Variants in RAB40B observed in about 807,000 individuals in gnomAD.
RAB40B encodes RAB40B, member RAS oncogene family, also known as ras-related protein Rab-40B.
Under a neutral mutation model 24.0 loss-of-function variants are expected in RAB40B, and 21 were observed. The ratio of observed to expected loss-of-function variants is 0.88; its 90% CI spans 0.62 to 1.26. The LOEUF is 1.26. Ranked by LOEUF, RAB40B falls within the 50% of genes most tolerant of loss-of-function variation. The pLI, the probability that RAB40B is intolerant of heterozygous loss-of-function variation, is 0.00. For synonymous variants in RAB40B, 167 were observed against 169.8 expected, an observed-to-expected ratio of 0.98 and a Z score of 0.13; for missense variants, 348 against 390.5, an observed-to-expected ratio of 0.89 and a Z score of 0.92.
chr17:82,664,791 C>T (rs1363429134), intron 1 of RAB40B: 2 of 495,786 alleles, frequency 4.0e-6, no homozygotes, highest in Non-Finnish European at 7.3e-6. Context: ...GTCAGGCTCG[C>T]ATCACCCTGG....
intron 1 of RAB40B, among the ~76,000 whole-genome samples, chr17:82,686,524 C>A (rs1350613283): frequency 6.6e-6 from 1 of 152,166 alleles, no homozygotes; most frequent in African/African-American, 2.4e-5. Context: ...GACACAGACA[C>A]CCAGGAGAGA....
At chr17:82,694,618 A>G (rs1598321209) in intron 1 of RAB40B, among the ~76,000 whole-genome samples, 1 of 151,886 alleles carries the variant, frequency 6.6e-6, no homozygotes, top group African/African-American at 2.4e-5. Flanking sequence ...TAACACAAAC[A>G]TTCAACTCTG....
At chr17:82,661,116 C>G in intron 2 of RAB40B, 69 bp from the exon 3 acceptor site, 1 of 1,555,436 alleles carries the variant, frequency 6.4e-7, no homozygotes, top group Non-Finnish European at 8.7e-7. Context: ...TCTGGAACTT[C>G]AGAGCCACAG....
chr17:82,664,817 G>A (rs1206247752), intron 1 of RAB40B: 10 of 432,956 alleles, frequency 2.3e-5, no homozygotes, highest in East Asian at 4.4e-5. Flanking sequence ...GGGGCTCCCC[G>A]ACAGGCACTG....
At chr17:82,684,908 G>A (rs1388732257) in intron 1 of RAB40B, among the ~76,000 whole-genome samples, 1 of 152,034 alleles carries the variant, frequency 6.6e-6, no homozygotes, top group Non-Finnish European at 1.5e-5. Context: ...GAGGTCAGGA[G>A]TTCGAGACCA....
In RAB40B at chr17:82,667,615, CCT is replaced by C. The variant is rs1568034272; in HGVS notation, c.143-3061_143-3060del. ...ATGGAGTCCAGGCTTCCCGCATCCTCCTCTGTCTCCTGCTAAACTCCACACTC... is the reference window on the plus strand; with the variant it reads ...ATGGAGTCCAGGCTTCCCGCATCCTCCTGTCTCCTGCTAAACTCCACACTC... On this transcript the variant is annotated intron_variant, in intron 1 of 5. Coordinates refer to ENST00000571995, the MANE Select transcript of RAB40B (RefSeq NM_006822.3). This position sits in a 1 kb window ranked among gnomAD's most constrained non-coding sequence, Gnocchi z 4.3. 6.6e-6 allele frequency among the ~76,000 whole-genome samples: 1 copy of C among 152,182 alleles called. No homozygotes were observed. Among genetic ancestry groups the C allele is most frequent in the African/African-American group, 2.4e-5 (1 of 41,438 alleles).
chr17:82,695,793 T>A (rs901630196), intron 1 of RAB40B, among the ~76,000 whole-genome samples: 1 of 152,148 alleles, frequency 6.6e-6, no homozygotes, highest in African/African-American at 2.4e-5. Flanking sequence ...AACAAATATT[T>A]GGTAAATCAA....
chr17:82,687,009 C>T (rs1000079105), intron 1 of RAB40B, among the ~76,000 whole-genome samples: 50 of 152,246 alleles, frequency 3.3e-4, no homozygotes, highest in African/African-American at 1.0e-3. Flanking sequence ...ATCAAAGACC[C>T]TCCTGTCCAG....
intron 1 of RAB40B, among the ~76,000 whole-genome samples, chr17:82,680,428 T>C (rs1442527626): frequency 2.0e-5 from 3 of 152,176 alleles, no homozygotes; most frequent in Non-Finnish European, 4.4e-5. Flanking sequence ...CTCAAAGTCC[T>C]GGCTGGAGGC....
chr17:82,665,649 T>C (rs1409466854), intron 1 of RAB40B, among the ~76,000 whole-genome samples: 3 of 152,080 alleles, frequency 2.0e-5, no homozygotes, highest in Non-Finnish European at 4.4e-5. Flanking sequence ...GGTGGATCAC[T>C]TGAGGTCAGG....
At position 82,664,464 on chromosome 17, in the gene RAB40B, G is replaced by T. The variant is rs772542817; in HGVS notation, c.203+32C>A. 3.7e-6 allele frequency: 6 copies of T among 1,607,996 alleles called. No homozygotes were observed. In the Admixed American group the frequency reaches 8.4e-5, roughly 22 times the overall value. ...CAGCCAGGGGGGTTACTCCCTGGGG[G>T]TGCGGGACGCTCGCACCTCCTCCAG... On this transcript the variant is annotated intron_variant, in intron 2 of 5. Transcript: ENST00000571995.
At chr17:82,680,681 A>C (rs2046440307) in intron 1 of RAB40B, among the ~76,000 whole-genome samples, 2 of 152,308 alleles carry the variant, frequency 1.3e-5, no homozygotes, top group South Asian at 4.1e-4. Flanking sequence ...CTATAATGAT[A>C]TATGTAATTT....
In RAB40B at chr17:82,662,093, C is replaced by T. The variant is rs558261462; in HGVS notation, c.204-1046G>A. 241 of 985,358 alleles carry T rather than the reference C, an allele frequency of 2.4e-4. 4 individuals are homozygous for T. In the South Asian group the frequency reaches 9.4e-3, roughly 39 times the overall value. The allele number at this position is 985,358 out of a possible 1,614,324, so 61.0% of individuals were successfully genotyped here. On this transcript the variant is annotated intron_variant, in intron 2 of 5. Coordinates refer to ENST00000571995, the MANE Select transcript of RAB40B (RefSeq NM_006822.3). ...CACGAGACACAACCTCACGGATGAG[C>T]GGTGGGACGCGGCATGGTTTTGCTG...
chr17:82,686,851 C>T (rs1466809207), intron 1 of RAB40B, among the ~76,000 whole-genome samples: 3 of 152,170 alleles, frequency 2.0e-5, no homozygotes, highest in Non-Finnish European at 2.9e-5. Flanking sequence ...ACGTTCCTCC[C>T]GTCCAGTGCT....
chr17:82,658,608 C>T lies in RAB40B; in HGVS notation c.448G>A (p.Val150Met), dbSNP rs775428303. 35 of 1,613,360 alleles carry T rather than the reference C, an allele frequency of 2.2e-5. No homozygotes were observed. The African/African-American group carries it at 2.8e-4, about 13-fold the overall frequency. Residue 150 changes from valine (V) to methionine (M), a missense_variant, in exon 5 of 6, where the codon GTG becomes ATG. By Grantham distance (21) the Val-to-Met change is conservative. Transcript: ENST00000571995. ...AGAGGGCTGACCTCAAAGAAGGTCA[C>T]GCCCAGGCGCTCGGCGTAGGCCTGG... ...QAQAYAERLG[V>M]TFFEVSPLCN... is the part of the protein sequence containing the mutation.
At chr17:82,691,316 G>A (rs2046555180) in intron 1 of RAB40B, among the ~76,000 whole-genome samples, 1 of 152,212 alleles carries the variant, frequency 6.6e-6, no homozygotes, top group South Asian at 2.1e-4. Context: ...AGGCCCTCAT[G>A]CTGGGGAAAA....
intron 1 of RAB40B, among the ~76,000 whole-genome samples, chr17:82,672,015 A>T (rs868344328): frequency 4.3e-3 from 4 of 920 alleles, no homozygotes; most frequent in Admixed American, 0.015. Flanking sequence ...TCTAACACAC[A>T]CACACGCTCC....
At position 82,657,921 on chromosome 17, in the gene RAB40B, A is replaced by G; in HGVS notation, c.779T>C (p.Val260Ala). ...KRSSLRKVKLVRPPQSPPKNC... is the reference protein window; with the variant it reads ...KRSSLRKVKLARPPQSPPKNC... Reference sequence around the variant, plus strand: ...TTTGGGGGGGCTCTGGGGGGGGCGGACGAGCTTCACTTTGCGGAGGCTGCT... The same window carrying G: ...TTTGGGGGGGCTCTGGGGGGGGCGGGCGAGCTTCACTTTGCGGAGGCTGCT... The change falls in exon 6 of 6, where the codon GTC (valine) becomes GCC (alanine). Residue 260 changes from valine to alanine, a missense_variant. By Grantham distance (64) the Val-to-Ala change is moderately conservative (BLOSUM62 0). Transcript: ENST00000571995. 1 of 1,613,046 alleles carries G rather than the reference A, an allele frequency of 6.2e-7. No homozygotes were observed. The highest frequency in any genetic ancestry group is 8.5e-7 in the Non-Finnish European group (1 of 1,179,716).
intron 2 of RAB40B, 126 bp from the exon 3 acceptor site, chr17:82,661,173 G>A (rs955277499): frequency 2.6e-5 from 38 of 1,478,616 alleles, no homozygotes; most frequent in Middle Eastern, 3.8e-4. Flanking sequence ...CGCCGCCAGC[G>A]TGAGACCCCA....
Sources: allele counts gnomAD v4.1 joint callset (sites outside exome capture counted in the v4.1 genomes callset), GRCh38; gene constraint gnomAD v4.1.1; non-coding constraint Gnocchi (gnomAD v3.1); transcripts MANE v1.5; gene names NCBI Gene and HGNC (gene_info 2026-07-23, HGNC 2026-07-21).